The following NDUFS4 variants were observed in gnomAD, a reference collection of about 807,000 sequenced individuals.
NDUFS4 encodes the protein NADH dehydrogenase [ubiquinone] iron-sulfur protein 4, mitochondrial.
A neutral mutation model predicts 24.3 loss-of-function variants in NDUFS4; 28 were observed. The ratio of observed to expected loss-of-function variants is 1.15; its 90% CI spans 0.85 to 1.58. The LOEUF is 1.58. Ranked by LOEUF, NDUFS4 falls within the 40% of genes most tolerant of loss-of-function variation. The pLI, the probability that NDUFS4 is intolerant of heterozygous loss-of-function variation, is 0.00. For missense variants in NDUFS4, 223 were observed against 207.9 expected (o/e 1.07, Z -0.45); for synonymous variants, 93 against 69.7 (o/e 1.34, Z -1.67).
intron 2 of NDUFS4, among the ~76,000 whole-genome samples, chr5:53,630,028 T>C (rs540196192): frequency 1.3e-5 from 2 of 152,336 alleles, no homozygotes; most frequent in South Asian, 2.1e-4. Flanking sequence ...GTTGTTCCTT[T>C]CCATGTTTAG....
At chr5:53,666,452 G>A (rs1423124484) in intron 4 of NDUFS4, among the ~76,000 whole-genome samples, 2 of 152,156 alleles carry the variant, frequency 1.3e-5, no homozygotes, top group African/African-American at 4.8e-5. Flanking sequence ...TATAGAAAGT[G>A]TAACTTTAAA....
At chr5:53,676,328 A>G (rs1740467947) in intron 4 of NDUFS4, among the ~76,000 whole-genome samples, 1 of 152,210 alleles carries the variant, frequency 6.6e-6, no homozygotes, top group Non-Finnish European at 1.5e-5. Context: ...AATTAGCAAG[A>G]ATTCTTATCC....
At chr5:53,576,139 A>G (rs911464376) in intron 1 of NDUFS4, among the ~76,000 whole-genome samples, 1 of 152,240 alleles carries the variant, frequency 6.6e-6, no homozygotes, top group Non-Finnish European at 1.5e-5. Flanking sequence ...CTAGAAATAG[A>G]TACAGTCATA....
At chr5:53,648,218 G>A (rs778596962) in intron 3 of NDUFS4, among the ~76,000 whole-genome samples, 39 of 152,192 alleles carry the variant, frequency 2.6e-4, no homozygotes, top group Middle Eastern at 3.4e-3. Flanking sequence ...GAGATGAGCC[G>A]CCATGTCATG....
At chr5:53,645,483 G>A (rs1751834759) in intron 2 of NDUFS4, among the ~76,000 whole-genome samples, 1 of 152,040 alleles carries the variant, frequency 6.6e-6, no homozygotes, top group Non-Finnish European at 1.5e-5. Flanking sequence ...ATCTACTCTG[G>A]GGCATCAAAA....
At chr5:53,567,049 C>T (rs1466078160) in intron 1 of NDUFS4, among the ~76,000 whole-genome samples, 1 of 152,032 alleles carries the variant, frequency 6.6e-6, no homozygotes, top group African/African-American at 2.4e-5. Context: ...CGGGGTTTCA[C>T]CATGTTGGTC....
intron 2 of NDUFS4, 188 bp from the exon 3 acceptor site, chr5:53,646,045 C>T (rs535530506): frequency 5.7e-6 from 3 of 525,560 alleles, no homozygotes; most frequent in African/African-American, 3.8e-5. Context: ...CCTAAATAAA[C>T]CATTTACAGG....
intron 2 of NDUFS4, among the ~76,000 whole-genome samples, chr5:53,610,682 C>T (rs1156600776): frequency 6.6e-6 from 1 of 152,104 alleles, no homozygotes; most frequent in Non-Finnish European, 1.5e-5. Flanking sequence ...ATCTCAACAT[C>T]AAAAAGCTTG....
intron 1 of NDUFS4, among the ~76,000 whole-genome samples, chr5:53,562,749 A>G (rs1370497656): frequency 6.6e-6 from 1 of 152,152 alleles, no homozygotes; most frequent in Non-Finnish European, 1.5e-5. Flanking sequence ...TTTTTCCATT[A>G]TGATTTGATA....
At chr5:53,635,744 A>T (rs1751533691) in intron 2 of NDUFS4, among the ~76,000 whole-genome samples, 1 of 152,152 alleles carries the variant, frequency 6.6e-6, no homozygotes, top group African/African-American at 2.4e-5. Flanking sequence ...TTTTTCAACG[A>T]TTTCAGTTGT....
At chr5:53,617,269 T>TC (rs1244403211) in intron 2 of NDUFS4, among the ~76,000 whole-genome samples, 1 of 152,094 alleles carries the variant, frequency 6.6e-6, no homozygotes, top group Admixed American at 6.6e-5. Flanking sequence ...GCCTCTCCTT[T>TC]CCCCCCTCTT....
intron 4 of NDUFS4, among the ~76,000 whole-genome samples, chr5:53,673,409 G>T (rs1740348805): frequency 1.3e-5 from 2 of 152,002 alleles, no homozygotes; most frequent in Admixed American, 6.6e-5. Flanking sequence ...TTACATTTAG[G>T]ATTCAGTTTT....
intron 1 of NDUFS4, among the ~76,000 whole-genome samples, chr5:53,582,007 T>G (rs931509795): frequency 1.3e-5 from 2 of 151,936 alleles, no homozygotes; most frequent in Non-Finnish European, 1.5e-5. Context: ...GTCAGGAGAT[T>G]GAGACCATCC....
chr5:53,631,150 G>C (rs1430838800), intron 2 of NDUFS4, among the ~76,000 whole-genome samples: 1 of 152,168 alleles, frequency 6.6e-6, no homozygotes, highest in Non-Finnish European at 1.5e-5. Context: ...CTCAGCTGCA[G>C]GTCAGTTGGA....
chr5:53,592,551 AT>A (rs1319297016), intron 1 of NDUFS4, among the ~76,000 whole-genome samples: 1 of 152,104 alleles, frequency 6.6e-6, no homozygotes, highest in Non-Finnish European at 1.5e-5. Context: ...TTCATGAGCC[AT>A]TTTCAGTTAA....
At chr5:53,641,130 G>C (rs1331583126) in intron 2 of NDUFS4, among the ~76,000 whole-genome samples, 2 of 152,070 alleles carry the variant, frequency 1.3e-5, no homozygotes, top group African/African-American at 4.8e-5. Context: ...TCTTTTTGTT[G>C]CCGAAGGTAA....
At position 53,636,837 on chromosome 5, in the gene NDUFS4, C is replaced by T. The variant is rs990271150; in HGVS notation, c.178-9396C>T. ...TTTTTAAAAGTATGTCGCATCTGCC[C>T]CCTTCTCTCTTCCTTCAGCCACGTG... On this transcript the variant is annotated intron_variant, in intron 2 of 4. Coordinates refer to ENST00000296684, the MANE Select transcript of NDUFS4 (RefSeq NM_002495.4). Among the ~76,000 whole-genome samples, 7 of 152,040 alleles carry T rather than the reference C, an allele frequency of 4.6e-5. No homozygotes were observed. The East Asian group carries it at 1.2e-3, about 25-fold the overall frequency.
chr5:53,632,202 G>T (rs425880), intron 2 of NDUFS4, among the ~76,000 whole-genome samples: 31,049 of 152,134 alleles, frequency 0.2, 3,686 homozygotes, highest in East Asian at 0.46. Flanking sequence ...GTGTGTAATT[G>T]ATGTTCTGAT....
At position 53,560,721 on chromosome 5, in the gene NDUFS4, T is replaced by G; in HGVS notation, c.59T>G (p.Val20Gly). The G allele has an allele frequency of 1.2e-6, 2 of 1,614,248 alleles. No individual in the cohort carries two copies. The highest frequency in any genetic ancestry group is 1.1e-5 in the South Asian group (1 of 91,086). The change falls in exon 1 of 5, where the codon GTG becomes GGG. Residue 20 changes from valine (V) to glycine (G), a missense_variant. Coordinates refer to ENST00000296684, the MANE Select transcript of NDUFS4 (RefSeq NM_002495.4). Reference protein sequence around the residue: ...LRQTLWRRRAVAVAALSVSRV... With the variant: ...LRQTLWRRRAGAVAALSVSRV... ...CAGACGTTGTGGCGGAGAAGGGCAG[T>G]GGCTGTAGCTGCCCTTTCCGTTTCC...
Sources: allele counts gnomAD v4.1 joint callset (sites outside exome capture counted in the v4.1 genomes callset), GRCh38; gene constraint gnomAD v4.1.1; transcripts MANE v1.5; gene names NCBI Gene and HGNC (gene_info 2026-07-23, HGNC 2026-07-21).